Variants in PDE1C observed in about 807,000 individuals in gnomAD.
PDE1C encodes dual specificity calcium/calmodulin-dependent 3',5'-cyclic nucleotide phosphodiesterase 1C.
PDE1C carries 62 observed loss-of-function variants against 93.1 expected under a neutral mutation model. That is an observed-to-expected ratio of 0.67 (90% confidence interval 0.54 to 0.82). The LOEUF (loss-of-function observed/expected upper bound fraction) is 0.82. Ranked by LOEUF, PDE1C falls within the 40% of genes least tolerant of loss-of-function variation. The pLI is 0.00. For synonymous variants in PDE1C, 325 were observed against 310.1 expected (o/e 1.05, Z -0.50); for missense variants, 742 against 884.6 (o/e 0.84, Z 2.04).
the PDE1C span, among the ~76,000 whole-genome samples, chr7:31,663,252 C>T: frequency 2.0e-5 from 3 of 152,274 alleles, no homozygotes; most frequent in South Asian, 2.1e-4. Context: ...GTGGGCAAGA[C>T]AAAAGAGTCT....
At chr7:32,298,736 G>A in exon 1 of PDE1C, 1 of 1,589,310 alleles carries the variant, frequency 6.3e-7, no homozygotes, top group South Asian at 1.1e-5. Context: ...CGTCCGTCAT[G>A]GCTCGGCCGG....
At chr7:32,018,345 T>A (rs530514738) in intron 2 of PDE1C, among the ~76,000 whole-genome samples, 1 of 152,080 alleles carries the variant, frequency 6.6e-6, no homozygotes, top group Non-Finnish European at 1.5e-5. Flanking sequence ...ACTAAAAACA[T>A]ACGTCTACCC....
chr7:31,623,960 A>G, the PDE1C span, among the ~76,000 whole-genome samples: 3 of 149,732 alleles, frequency 2.0e-5, no homozygotes, highest in Non-Finnish European at 4.5e-5. Context: ...AATCACAAGC[A>G]TTCTTATACA....
intron 3 of PDE1C, among the ~76,000 whole-genome samples, chr7:32,167,318 C>T (rs1013158151): frequency 4.6e-5 from 7 of 152,080 alleles, no homozygotes; most frequent in Admixed American, 2.6e-4. Context: ...GAAAAGATTT[C>T]CGGGAAAAGT....
chr7:32,345,531 T>C (rs1783836914), intron 1 of PDE1C, among the ~76,000 whole-genome samples: 1 of 152,166 alleles, frequency 6.6e-6, no homozygotes, highest in East Asian at 1.9e-4. Flanking sequence ...AAACTCTTGC[T>C]CTTCAAAAAA....
At chr7:31,847,921 A>T (rs762382378) in intron 9 of PDE1C, 47 bp downstream of exon 9, 1 of 1,605,860 alleles carries the variant, frequency 6.2e-7, no homozygotes, top group East Asian at 2.2e-5. Context: ...ATCCAACTTC[A>T]AAGTTCCTTC....
intron 2 of PDE1C, among the ~76,000 whole-genome samples, chr7:31,884,834 A>G (rs1443568053): frequency 6.6e-6 from 1 of 152,096 alleles, no homozygotes; most frequent in Non-Finnish European, 1.5e-5. Flanking sequence ...ACCCCTCTCT[A>G]TTTGTCATTA....
At chr7:32,311,984 A>T (rs1046544982) in intron 1 of PDE1C, among the ~76,000 whole-genome samples, 6 of 150,622 alleles carry the variant, frequency 4.0e-5, no homozygotes, top group African/African-American at 1.5e-4. Flanking sequence ...TGCAGATGAC[A>T]TGATTGTATA....
intron 1 of PDE1C, among the ~76,000 whole-genome samples, chr7:32,387,638 C>CA (rs1784659474): frequency 1.3e-5 from 2 of 149,400 alleles, no homozygotes; most frequent in Admixed American, 6.6e-5. Flanking sequence ...GGCTGATCCC[C>CA]CCACCTCCCT....
chr7:32,098,071 A>C (rs1176930200), intron 3 of PDE1C, among the ~76,000 whole-genome samples: 3 of 149,318 alleles, frequency 2.0e-5, no homozygotes, highest in Non-Finnish European at 4.4e-5. Flanking sequence ...TCTACTAAAA[A>C]TACAAAAAAT....
At chr7:31,669,478 C>T in the PDE1C span, among the ~76,000 whole-genome samples, 2 of 152,158 alleles carry the variant, frequency 1.3e-5, no homozygotes, top group African/African-American at 4.8e-5. Flanking sequence ...TCTAAATTCA[C>T]TTTTCCCTTC....
chr7:31,760,275 T>C (rs541459299), intron 17 of PDE1C, among the ~76,000 whole-genome samples: 26 of 152,342 alleles, frequency 1.7e-4, no homozygotes, highest in African/African-American at 5.1e-4. Flanking sequence ...GGACATCTTA[T>C]AGAGTGAAAA....
At chr7:31,966,637 C>T (rs533591963) in intron 2 of PDE1C, among the ~76,000 whole-genome samples, 1 of 152,210 alleles carries the variant, frequency 6.6e-6, no homozygotes, top group East Asian at 1.9e-4. Context: ...ACTCTCTACC[C>T]TAAATCAACA....
intron 1 of PDE1C, among the ~76,000 whole-genome samples, chr7:32,247,380 G>C (rs951226486): frequency 6.8e-6 from 1 of 148,130 alleles, no homozygotes; most frequent in Non-Finnish European, 1.5e-5. Context: ...CCAGGATAAG[G>C]AATGATACAT....
chr7:32,029,244 T>G (rs549376912), intron 2 of PDE1C, among the ~76,000 whole-genome samples: 1 of 44,178 alleles, frequency 2.3e-5, no homozygotes, highest in African/African-American at 1.0e-4. Flanking sequence ...TTGGCAGGAA[T>G]GTAAATTAGT....
intron 16 of PDE1C, among the ~76,000 whole-genome samples, chr7:31,776,714 C>T (rs1263376402): frequency 6.6e-6 from 1 of 151,896 alleles, no homozygotes; most frequent in Non-Finnish European, 1.5e-5. Flanking sequence ...TTTATTTTGT[C>T]ATCCAGAGTG....
intron 2 of PDE1C, among the ~76,000 whole-genome samples, chr7:32,033,209 T>C (rs1383909467): frequency 6.6e-6 from 1 of 152,092 alleles, no homozygotes; most frequent in Non-Finnish European, 1.5e-5. Flanking sequence ...CGTGATGCTC[T>C]GTGGTGCATT....
chr7:31,617,709 G>A, the PDE1C span, among the ~76,000 whole-genome samples: 7 of 151,916 alleles, frequency 4.6e-5, no homozygotes, highest in African/African-American at 7.2e-5. Context: ...TGCTCCCTCC[G>A]ACCCCCACAG....
At chr7:31,803,088 A>G (rs546331343) in intron 16 of PDE1C, among the ~76,000 whole-genome samples, 8 of 150,972 alleles carry the variant, frequency 5.3e-5, no homozygotes, top group South Asian at 2.1e-4. Flanking sequence ...CTTTTTTTCT[A>G]TTTCCTTTTG....
Sources: allele counts gnomAD v4.1 joint callset (sites outside exome capture counted in the v4.1 genomes callset), GRCh38; gene constraint gnomAD v4.1.1; transcripts MANE v1.5; gene names NCBI Gene and HGNC (gene_info 2026-07-23, HGNC 2026-07-21).